The following GALNT13 variants were observed in gnomAD, a reference collection of about 807,000 sequenced individuals.
GALNT13 encodes the protein polypeptide N-acetylgalactosaminyltransferase 13.
GALNT13 carries 28 observed loss-of-function variants against 64.2 expected under a neutral mutation model. That is an observed-to-expected ratio of 0.44 (90% CI 0.32 to 0.60). The LOEUF is 0.60. Among genes scored for constraint, GALNT13 ranks in the 20% least tolerant of loss-of-function variants. The pLI, the probability that GALNT13 is intolerant of heterozygous loss-of-function variation, is 0.05. For synonymous variants in GALNT13, 214 were observed against 224.6 expected, an observed-to-expected ratio of 0.95 and a Z score of 0.42; for missense variants, 577 against 669.8, an observed-to-expected ratio of 0.86 and a Z score of 1.53.
the GALNT13 span, among the ~76,000 whole-genome samples, chr2:153,487,742 A>G: frequency 2.0e-5 from 3 of 152,240 alleles, no homozygotes; most frequent in Admixed American, 6.5e-5. Context: ...AAGGCATGAG[A>G]GAACATGCAT....
At chr2:154,131,244 G>GTA (rs61174090) in intron 3 of GALNT13, among the ~76,000 whole-genome samples, 27,028 of 151,978 alleles carry the variant, frequency 0.18, 4,405 homozygotes, top group East Asian at 0.74. Flanking sequence ...ACCTCTTATT[G>GTA]TATATAAGAA....
chr2:153,648,829 G>A, the GALNT13 span, among the ~76,000 whole-genome samples: 2 of 152,272 alleles, frequency 1.3e-5, no homozygotes, highest in Non-Finnish European at 2.9e-5. Flanking sequence ...CTTGATCATG[G>A]TGGATAAGCT....
the GALNT13 span, among the ~76,000 whole-genome samples, chr2:153,076,914 G>GT: frequency 6.6e-6 from 1 of 150,696 alleles, no homozygotes; most frequent in Non-Finnish European, 1.5e-5. Flanking sequence ...TGCGTTTTTT[G>GT]TTTTTTTCCA....
At chr2:153,154,027 A>AGCAT in the GALNT13 span, among the ~76,000 whole-genome samples, 2 of 152,094 alleles carry the variant, frequency 1.3e-5, no homozygotes, top group Non-Finnish European at 2.9e-5. Context: ...CCTATCCAAG[A>AGCAT]GCATGGAATG....
Position 153,931,424 on chromosome 2 carries a change from G to A in GALNT13, c.-104-12970G>A, listed in dbSNP as rs185594974. ...GAGTGGGCTTCCTTGTCTTTTTCTA[G>A]ATCTTAAGGAGAACGTTTCCAGCTT... On this transcript the variant is annotated intron_variant, in intron 2 of 12. Coordinates refer to ENST00000392825, the MANE Select transcript of GALNT13 (RefSeq NM_052917.4). Among the ~76,000 whole-genome samples, 245 of 151,674 alleles carry A rather than the reference G, an allele frequency of 1.6e-3. 1 individual carries two copies. The highest frequency in any genetic ancestry group is 6.8e-3 in the Middle Eastern group (2 of 294).
intron 4 of GALNT13, among the ~76,000 whole-genome samples, chr2:154,155,996 G>T (rs1182763985): frequency 1.3e-5 from 2 of 151,588 alleles, no homozygotes; most frequent in Non-Finnish European, 3.0e-5. Context: ...TTTATGTATT[G>T]CATTTATAGT....
At chr2:153,234,618 A>T in the GALNT13 span, among the ~76,000 whole-genome samples, 1 of 152,164 alleles carries the variant, frequency 6.6e-6, no homozygotes, top group East Asian at 1.9e-4. Context: ...TCTCAAGGGA[A>T]TACCATAATA....
chr2:154,382,299 T>C (rs966164869), intron 9 of GALNT13, among the ~76,000 whole-genome samples: 5 of 152,092 alleles, frequency 3.3e-5, no homozygotes, highest in African/African-American at 4.8e-5. Flanking sequence ...TAGACTATTA[T>C]GTAGAAGAAT....
chr2:153,679,328 A>G, the GALNT13 span, among the ~76,000 whole-genome samples: 1 of 152,134 alleles, frequency 6.6e-6, no homozygotes, highest in South Asian at 2.1e-4. Context: ...TGATCAAACC[A>G]TGACTGATAC....
At chr2:153,938,077 C>G (rs1011487565) in intron 2 of GALNT13, among the ~76,000 whole-genome samples, 5 of 152,116 alleles carry the variant, frequency 3.3e-5, no homozygotes, top group African/African-American at 1.2e-4. Flanking sequence ...AATATAACAT[C>G]TTTGCATATT....
the GALNT13 span, among the ~76,000 whole-genome samples, chr2:153,240,290 A>G: frequency 6.6e-6 from 1 of 152,232 alleles, no homozygotes; most frequent in East Asian, 1.9e-4. Context: ...TTGAGTAATA[A>G]TAAAACTCCA....
chr2:154,150,334 A>G (rs1167340872), intron 4 of GALNT13, among the ~76,000 whole-genome samples: 4 of 152,206 alleles, frequency 2.6e-5, no homozygotes, highest in East Asian at 1.9e-4. Flanking sequence ...GTTTGCCAGT[A>G]TTTTATTGAG....
In GALNT13 at chr2:154,034,759, C is replaced by A. The variant is rs923601552; in HGVS notation, c.142+90120C>A. Among the ~76,000 whole-genome samples, 24 of 134,704 alleles carry A rather than the reference C, an allele frequency of 1.8e-4. 1 individual carries two copies. Among genetic ancestry groups the A allele is most frequent in the Non-Finnish European group, 2.1e-4 (14 of 65,342 alleles). 88.4% of individuals were successfully genotyped at this position (134,704 alleles called of 152,430 possible). ...GGCTTCTAGTTCATCTGTGTTGATACAAAAGATATGATTTCAGTCTTTTTA... is the reference window on the plus strand; with the variant it reads ...GGCTTCTAGTTCATCTGTGTTGATAAAAAAGATATGATTTCAGTCTTTTTA... On this transcript the variant is annotated intron_variant, in intron 3 of 12. Transcript: ENST00000392825.
the GALNT13 span, among the ~76,000 whole-genome samples, chr2:153,155,907 T>C: frequency 6.6e-6 from 1 of 152,214 alleles, no homozygotes; most frequent in Admixed American, 6.5e-5. Flanking sequence ...GCATTAGCTA[T>C]GTCCCAGAGA....
At chr2:153,826,521 C>T in the GALNT13 span, among the ~76,000 whole-genome samples, 1 of 152,132 alleles carries the variant, frequency 6.6e-6, no homozygotes, top group South Asian at 2.1e-4. Flanking sequence ...TCTTACTTCC[C>T]CTACAAGTGT....
chr2:154,410,273 C>G (rs1488877786), intron 11 of GALNT13, among the ~76,000 whole-genome samples: 1 of 151,870 alleles, frequency 6.6e-6, no homozygotes, highest in East Asian at 1.9e-4. Flanking sequence ...CTGGAAACAA[C>G]AAAATGCTTA....
the GALNT13 span, among the ~76,000 whole-genome samples, chr2:153,144,744 A>G: frequency 2.0e-5 from 3 of 151,920 alleles, no homozygotes; most frequent in Non-Finnish European, 2.9e-5. Flanking sequence ...TCTGGGGAAA[A>G]GCAGTAATTA....
intron 8 of GALNT13, among the ~76,000 whole-genome samples, chr2:154,275,424 A>G (rs1553507154): frequency 6.6e-6 from 1 of 152,170 alleles, no homozygotes; most frequent in Non-Finnish European, 1.5e-5. Context: ...CAGATGCTCT[A>G]GCTATGGGTA....
the GALNT13 span, among the ~76,000 whole-genome samples, chr2:153,308,093 T>C: frequency 6.6e-6 from 1 of 152,156 alleles, no homozygotes; most frequent in South Asian, 2.1e-4. Context: ...CTGATGAAAC[T>C]GATGAAAACC....
Sources: allele counts gnomAD v4.1 joint callset (sites outside exome capture counted in the v4.1 genomes callset), GRCh38; gene constraint gnomAD v4.1.1; transcripts MANE v1.5; gene names NCBI Gene and HGNC (gene_info 2026-07-23, HGNC 2026-07-21).